Variants in NRXN3 observed in about 807,000 individuals in gnomAD.
The protein encoded by NRXN3 is neurexin 3.
A neutral mutation model predicts 137.6 loss-of-function variants in NRXN3; 32 were observed. That is an observed-to-expected ratio of 0.23 (90% CI 0.18 to 0.31). The LOEUF (loss-of-function observed/expected upper bound fraction) is 0.31. Among genes scored for constraint, NRXN3 ranks in the 10% least tolerant of loss-of-function variants. The probability of loss-of-function intolerance (pLI) is 1.00; values close to 1 mark genes in which losing one functional copy is unlikely to be tolerated. For synonymous variants in NRXN3, 798 were observed against 784.5 expected, an observed-to-expected ratio of 1.02 and a Z score of -0.29; for missense variants, 1,574 against 2,062.5, an observed-to-expected ratio of 0.76 and a Z score of 4.59.
chr14:78,820,263 A>G (rs1003513854), intron 10 of NRXN3, among the ~76,000 whole-genome samples: 5 of 149,088 alleles, frequency 3.4e-5, no homozygotes, highest in Admixed American at 2.0e-4. Context: ...TATAAATTGC[A>G]GTTGTTTTTA....
chr14:78,975,847 A>C (rs898767763), intron 14 of NRXN3, among the ~76,000 whole-genome samples: 1 of 152,176 alleles, frequency 6.6e-6, no homozygotes, highest in Admixed American at 6.5e-5. Flanking sequence ...ATTATGACAA[A>C]AGATATCAAG....
At chr14:79,485,796 G>A (rs1342801913) in intron 16 of NRXN3, among the ~76,000 whole-genome samples, 2 of 152,080 alleles carry the variant, frequency 1.3e-5, no homozygotes, top group African/African-American at 2.4e-5. Flanking sequence ...AAAAGCTAAC[G>A]GGGCACTGTC....
intron 4 of NRXN3, among the ~76,000 whole-genome samples, chr14:78,553,325 A>G (rs1477078054): frequency 2.0e-5 from 3 of 152,174 alleles, no homozygotes; most frequent in East Asian, 1.9e-4. Flanking sequence ...AATGAACCCT[A>G]TGCAGTCCTG....
chr14:79,049,110 C>G (rs1307932385), intron 15 of NRXN3, among the ~76,000 whole-genome samples: 2 of 101,468 alleles, frequency 2.0e-5, no homozygotes, highest in Non-Finnish European at 4.0e-5. Context: ...ATGGGGTGTG[C>G]TGCATTGACT....
chr14:78,540,637 T>C (rs1248394869), intron 4 of NRXN3, among the ~76,000 whole-genome samples: 1 of 152,208 alleles, frequency 6.6e-6, no homozygotes, highest in African/African-American at 2.4e-5. Flanking sequence ...AATATTGTTA[T>C]GTGTGAATTT....
chr14:79,365,901 T>G (rs1279217153), intron 15 of NRXN3, among the ~76,000 whole-genome samples: 2 of 151,938 alleles, frequency 1.3e-5, no homozygotes, highest in Non-Finnish European at 2.9e-5. Context: ...GTGAAAGAGG[T>G]TAAGATCAGA....
intron 10 of NRXN3, among the ~76,000 whole-genome samples, chr14:78,926,802 AT>A (rs1410094507): frequency 6.2e-5 from 3 of 48,480 alleles, no homozygotes; most frequent in Non-Finnish European, 9.9e-5. Flanking sequence ...TATATTATAT[AT>A]TTATATATAT....
At chr14:79,513,739 G>C (rs537553370) in intron 16 of NRXN3, among the ~76,000 whole-genome samples, 3 of 152,294 alleles carry the variant, frequency 2.0e-5, no homozygotes, top group East Asian at 3.9e-4. Flanking sequence ...TTGCAAATGT[G>C]CAAAGACAGA....
chr14:78,240,937 G>A (rs958209099), intron 1 of NRXN3, among the ~76,000 whole-genome samples: 11 of 152,178 alleles, frequency 7.2e-5, no homozygotes, highest in Non-Finnish European at 2.9e-5. Context: ...ATTATCAAAT[G>A]TGCCAGGTAA....
chr14:79,294,021 A>G (rs2083623075), intron 15 of NRXN3, among the ~76,000 whole-genome samples: 1 of 152,226 alleles, frequency 6.6e-6, no homozygotes, highest in Admixed American at 6.5e-5. Flanking sequence ...TCATCACAAG[A>G]CACCATTAAC....
chr14:78,967,983 C>A (rs970837808), intron 13 of NRXN3, among the ~76,000 whole-genome samples, 190 bp from the exon 14 acceptor site: 35 of 143,250 alleles, frequency 2.4e-4, no homozygotes, highest in African/African-American at 8.6e-4. Context: ...ATGAATGACA[C>A]ATAATAAATA....
At chr14:78,216,055 G>T (rs2063244296) in intron 1 of NRXN3, among the ~76,000 whole-genome samples, 1 of 152,174 alleles carries the variant, frequency 6.6e-6, no homozygotes, top group South Asian at 2.1e-4. Flanking sequence ...TAGGGAGCAT[G>T]GTATAAAAAC....
chr14:79,349,109 G>A (rs2093059368), intron 15 of NRXN3, among the ~76,000 whole-genome samples: 2 of 152,106 alleles, frequency 1.3e-5, no homozygotes. Context: ...GGATTTCCTA[G>A]TGCATAGTAC....
At chr14:79,665,372 G>T (rs907404664) in intron 17 of NRXN3, among the ~76,000 whole-genome samples, 21 of 152,116 alleles carry the variant, frequency 1.4e-4, no homozygotes, top group African/African-American at 4.8e-4. Flanking sequence ...CCCTTATGAG[G>T]TTATCTTTGA....
intron 10 of NRXN3, among the ~76,000 whole-genome samples, chr14:78,877,283 G>A (rs1042789338): frequency 1.3e-5 from 2 of 152,094 alleles, no homozygotes; most frequent in Non-Finnish European, 1.5e-5. Flanking sequence ...GTGCTTATTT[G>A]TAAACATCAT....
At chr14:79,289,487 G>T (rs1395187584) in intron 15 of NRXN3, among the ~76,000 whole-genome samples, 1 of 152,168 alleles carries the variant, frequency 6.6e-6, no homozygotes, top group Non-Finnish European at 1.5e-5. Flanking sequence ...GGGCGTGGTG[G>T]CATACGCCTG....
At chr14:78,949,032 C>A (rs935621242) in intron 10 of NRXN3, among the ~76,000 whole-genome samples, 3 of 152,182 alleles carry the variant, frequency 2.0e-5, no homozygotes, top group Admixed American at 6.5e-5. Context: ...TAAATGAGAC[C>A]ACGTATGCAA....
At chr14:79,126,443 C>T (rs952961470) in intron 15 of NRXN3, among the ~76,000 whole-genome samples, 61 of 150,440 alleles carry the variant, frequency 4.1e-4, no homozygotes, top group African/African-American at 1.3e-3. Context: ...TTTGTTCTTG[C>T]GATAGTTTAC....
intron 15 of NRXN3, among the ~76,000 whole-genome samples, chr14:78,993,053 C>T (rs2099522112): frequency 6.6e-6 from 1 of 152,174 alleles, no homozygotes; most frequent in Admixed American, 6.5e-5. Flanking sequence ...AATAGATGTT[C>T]TTTGCTTGCA....
Sources: gnomAD v4.1 joint callset for allele counts (sites outside exome capture counted in the v4.1 genomes callset) on GRCh38, gnomAD v4.1.1 for gene constraint, MANE v1.5 for transcripts, NCBI Gene and HGNC (gene_info 2026-07-23, HGNC 2026-07-21) for gene names.